FOXN2: variants seen among roughly 807,000 people sequenced by gnomAD.
The protein encoded by FOXN2 is forkhead box N2, also known as forkhead box protein N2.
In FOXN2, 19 loss-of-function variants were observed where a neutral mutation model predicts 41.2. The ratio of observed to expected loss-of-function variants is 0.46; its 90% CI spans 0.32 to 0.68. The LOEUF (loss-of-function observed/expected upper bound fraction) is 0.68, where lower values mean the gene tolerates loss of function less well. Among genes scored for constraint, FOXN2 ranks in the 30% least tolerant of loss-of-function variants. The pLI, the probability that FOXN2 is intolerant of heterozygous loss-of-function variation, is 0.03. For synonymous variants in FOXN2, 195 were observed against 176.8 expected (o/e 1.10, Z -0.82); for missense variants, 587 against 509.4 (o/e 1.15, Z -1.47).
chr2:48,314,044 G>C (rs185476619), upstream of FOXN2, among the ~76,000 whole-genome samples: 242 of 152,336 alleles, frequency 1.6e-3, 1 homozygote, highest in African/African-American at 5.5e-3. Context: ...TGCAAACACA[G>C]TGACTTGTTT....
At position 48,326,412 on chromosome 2, in the gene FOXN2, G is replaced by C. The variant is rs1173844497; in HGVS notation, c.-156-2149G>C. Among the ~76,000 whole-genome samples the C allele has an allele frequency of 4.6e-5, 7 of 152,210 alleles. No homozygotes were observed. In the East Asian group the frequency reaches 1.3e-3, roughly 29 times the overall value. On this transcript the variant is annotated intron_variant, in intron 1 of 6. Coordinates refer to ENST00000340553, the MANE Select transcript of FOXN2 (RefSeq NM_002158.4). ...AGGATTTTGACCTAAGGGTCCCCTT[G>C]ATGGATTAAGCAGGTAAGGGACATT...
In FOXN2 at chr2:48,375,564, C is replaced by T. The variant is rs1439115369; in HGVS notation, c.*121C>T. On this transcript the variant is annotated 3_prime_UTR_variant, in exon 7 of 7. Coordinates refer to ENST00000340553, the MANE Select transcript of FOXN2 (RefSeq NM_002158.4). ...TACTAATTACTTATTTCTTTCAAAACATTTTTGGTTTTTGGTTTTTAAAAT... is the reference window on the plus strand; with the variant it reads ...TACTAATTACTTATTTCTTTCAAAATATTTTTGGTTTTTGGTTTTTAAAAT... 2 of 1,120,274 alleles carry T rather than the reference C, an allele frequency of 1.8e-6. No individual in the cohort carries two copies. The highest frequency in any genetic ancestry group is 2.4e-6 in the Non-Finnish European group (2 of 816,428). 69.4% of individuals were successfully genotyped at this position (1,120,274 alleles called of 1,614,324 possible).
chr2:48,375,551 ATTTC>A lies in FOXN2; in HGVS notation c.*113_*116del. 1 of 1,147,714 alleles carries A rather than the reference ATTTC, an allele frequency of 8.7e-7. No homozygotes were observed. Among genetic ancestry groups the A allele is most frequent in the Admixed American group, 2.9e-5 (1 of 34,522 alleles). The allele number at this position is 1,147,714 out of a possible 1,614,324, so 71.1% of individuals were successfully genotyped here. A position where few individuals can be genotyped will look rare whatever the true frequency, so the allele number is the denominator to read the frequency against. On this transcript the variant is annotated 3_prime_UTR_variant, in exon 7 of 7. Coordinates refer to ENST00000340553, the MANE Select transcript of FOXN2 (RefSeq NM_002158.4). ...GGTAGGGAAGGGATACTAATTACTT[ATTTC>A]TTTCAAAACATTTTTGGTTTTTGGT...
chr2:48,315,742 T>A (rs917892528), intron 1 of FOXN2, among the ~76,000 whole-genome samples: 1 of 152,190 alleles, frequency 6.6e-6, no homozygotes, highest in African/African-American at 2.4e-5. Flanking sequence ...CTTTGCAAAA[T>A]GCCTCTTTTT....
intron 6 of FOXN2, among the ~76,000 whole-genome samples, chr2:48,374,678 T>C (rs1328312029): frequency 6.6e-6 from 1 of 152,210 alleles, no homozygotes; most frequent in Non-Finnish European, 1.5e-5. Context: ...GAGGCATTCC[T>C]TGTAAGCAAT....
chr2:48,368,274 A>G (rs1672656779), intron 5 of FOXN2, among the ~76,000 whole-genome samples: 3 of 152,354 alleles, frequency 2.0e-5, no homozygotes, highest in South Asian at 2.1e-4. Flanking sequence ...TGTTTTTAAA[A>G]ACAGAGCCAC....
At chr2:48,353,480 A>G (rs1001627585) in intron 3 of FOXN2, among the ~76,000 whole-genome samples, 17 of 151,550 alleles carry the variant, frequency 1.1e-4, no homozygotes, top group African/African-American at 3.9e-4. Context: ...TTATGTATAG[A>G]TTTGCTTCTC....
Position 48,378,873 on chromosome 2 carries a change from A to G in FOXN2, c.*3430A>G, listed in dbSNP as rs1224277732. Reference sequence around the variant, plus strand: ...ACTGCCAGTGCCATTGTCAAAACTTATTTTTTAAATCGTTGTACATTTCTT... The same window carrying G: ...ACTGCCAGTGCCATTGTCAAAACTTGTTTTTTAAATCGTTGTACATTTCTT... On this transcript the variant is annotated 3_prime_UTR_variant, in exon 7 of 7. Coordinates refer to ENST00000340553, the MANE Select transcript of FOXN2 (RefSeq NM_002158.4). 6.6e-6 allele frequency: 1 copy of G among 152,516 alleles called. No homozygotes were observed. Among genetic ancestry groups the G allele is most frequent in the Non-Finnish European group, 1.5e-5 (1 of 67,962 alleles). The allele number at this position is 152,516 out of a possible 1,614,324, so 9.4% of individuals were successfully genotyped here. A position where few individuals can be genotyped will look rare whatever the true frequency, so the allele number is the denominator to read the frequency against.
chr2:48,357,446 T>G (rs1250596206), intron 3 of FOXN2, among the ~76,000 whole-genome samples: 2 of 152,148 alleles, frequency 1.3e-5, no homozygotes, highest in African/African-American at 4.8e-5. Flanking sequence ...CTTTTCTATA[T>G]GAAACTGAAT....
chr2:48,340,881 A>G (rs943101251), intron 2 of FOXN2: 2 of 152,210 alleles, frequency 1.3e-5, no homozygotes, highest in Non-Finnish European at 2.9e-5. Context: ...CTTTTTTAGA[A>G]TGTAGAAGAT....
At chr2:48,314,451 A>C (rs921844835), upstream of FOXN2, among the ~76,000 whole-genome samples, 1 of 150,084 alleles carries the variant, frequency 6.7e-6, no homozygotes, top group Non-Finnish European at 1.5e-5. Flanking sequence ...TTTCACCCCC[A>C]CCCCAGCCGC....
At chr2:48,323,196 G>T (rs535604897) in intron 1 of FOXN2, among the ~76,000 whole-genome samples, 20 of 151,692 alleles carry the variant, frequency 1.3e-4, no homozygotes, top group Non-Finnish European at 2.6e-4. Context: ...ATTTTTGAGG[G>T]TACATGTGAT....
Position 48,360,155 on chromosome 2 carries a change from G to A in FOXN2, c.638+1008G>A, listed in dbSNP as rs185363326. 5.9e-5 allele frequency among the ~76,000 whole-genome samples: 9 copies of A among 151,950 alleles called. No homozygotes were observed. In the South Asian group the frequency reaches 6.2e-4, roughly 11 times the overall value. Reference sequence around the variant, plus strand: ...TAGCTTCCTCATTTTAAGTTAAATCGGAAAATAATATGACCTTCTTAAATC... The same window carrying A: ...TAGCTTCCTCATTTTAAGTTAAATCAGAAAATAATATGACCTTCTTAAATC... On this transcript the variant is annotated intron_variant, in intron 4 of 6. Coordinates refer to ENST00000340553, the MANE Select transcript of FOXN2 (RefSeq NM_002158.4).
intron 2 of FOXN2, among the ~76,000 whole-genome samples, chr2:48,329,657 T>G (rs764416214): frequency 6.6e-6 from 1 of 152,186 alleles, no homozygotes; most frequent in East Asian, 1.9e-4. Context: ...CATGACATCA[T>G]GTAGCATTAT....
chr2:48,374,219 A>C (rs945923267), intron 6 of FOXN2, among the ~76,000 whole-genome samples: 1 of 152,198 alleles, frequency 6.6e-6, no homozygotes, highest in African/African-American at 2.4e-5. Context: ...AAAACAGTTC[A>C]ACCGGAAAGT....
chr2:48,348,794 T>A lies in FOXN2; in HGVS notation c.537+2043T>A, dbSNP rs1671272043. Among the ~76,000 whole-genome samples the A allele has an allele frequency of 5.3e-5, 8 of 152,248 alleles. No homozygotes were observed. The South Asian group carries it at 1.7e-3, about 31-fold the overall frequency. On this transcript the variant is annotated intron_variant, in intron 3 of 6. Coordinates refer to ENST00000340553, the MANE Select transcript of FOXN2 (RefSeq NM_002158.4). The stretch of plus-strand genomic sequence containing the variant: ...AGTGAGGCCTGGAGCAATAGATGAC[T>A]TTTTTGTCTCAGCATTACTGCTACA...
At chr2:48,335,031 A>G (rs1292153885) in intron 2 of FOXN2, among the ~76,000 whole-genome samples, 1 of 152,188 alleles carries the variant, frequency 6.6e-6, no homozygotes, top group East Asian at 1.9e-4. Context: ...CTAACATATA[A>G]TCATCATTAT....
chr2:48,315,064 G>A (rs1572680676), intron 1 of FOXN2, among the ~76,000 whole-genome samples: 1 of 152,040 alleles, frequency 6.6e-6, no homozygotes, highest in Admixed American at 6.5e-5. Context: ...TGTGGCTTGT[G>A]AGGAGTTAGG....
chr2:48,349,963 GA>G, intron 3 of FOXN2, among the ~76,000 whole-genome samples: 1 of 152,346 alleles, frequency 6.6e-6, no homozygotes, highest in East Asian at 1.9e-4. Context: ...CCCAGAAGAA[GA>G]AGAGTCTGCA....
Sources: allele counts gnomAD v4.1 joint callset (sites outside exome capture counted in the v4.1 genomes callset), GRCh38; gene constraint gnomAD v4.1.1; transcripts MANE v1.5; gene names NCBI Gene and HGNC (gene_info 2026-07-23, HGNC 2026-07-21).